JAKMIP3: variants seen among roughly 807,000 people sequenced by gnomAD.
JAKMIP3 encodes Janus kinase and microtubule interacting protein 3.
In JAKMIP3, 58 loss-of-function variants were observed where a neutral mutation model predicts 118.5. The observed-to-expected ratio is 0.49, with a 90% CI of 0.40 to 0.61. JAKMIP3 has a LOEUF of 0.61. Among genes scored for constraint, JAKMIP3 ranks in the 20% least tolerant of loss-of-function variants. The pLI is 0.00. For missense variants in JAKMIP3, 950 were observed against 1,109.0 expected, an observed-to-expected ratio of 0.86 and a Z score of 2.04; for synonymous variants, 486 against 451.2, an observed-to-expected ratio of 1.08 and a Z score of -0.98.
chr10:132,172,980 CCTCTCT>C (rs527507375), intron 23 of JAKMIP3, among the ~76,000 whole-genome samples: 26 of 75,216 alleles, frequency 3.5e-4, no homozygotes, highest in African/African-American at 1.2e-3. Flanking sequence ...TCTCTCCTTC[CCTCTCT>C]CTCTCTCTCC....
At position 132,167,063 on chromosome 10, in the gene JAKMIP3, T is replaced by TCCCGCTCTGC; in HGVS notation, c.*22+8_*22+9insCCCGCTCTGC. The TCCCGCTCTGC allele has an allele frequency of 6.5e-7, 1 of 1,542,312 alleles. No homozygotes were observed. The highest frequency in any genetic ancestry group is 8.8e-7 in the Non-Finnish European group (1 of 1,138,660). On this transcript the variant is annotated intron_variant, in intron 22 of 23. Transcript: ENST00000684848. The stretch of plus-strand genomic sequence containing the variant: ...TCTTGGCACCCTGACGTGGTGAGTA[T>TCCCGCTCTGC]TTCGTTGGCAGGGCCCAGCAGGGGT...
upstream of JAKMIP3, among the ~76,000 whole-genome samples, chr10:132,061,537 T>TA (rs1183256492): frequency 1.3e-5 from 2 of 152,176 alleles, no homozygotes; most frequent in Admixed American, 6.5e-5. Context: ...CAAGTTGATA[T>TA]AAAAAGGCCA....
intron 19 of JAKMIP3, among the ~76,000 whole-genome samples, chr10:132,161,030 C>CGGT (rs2058161078): frequency 9.8e-5 from 1 of 10,192 alleles, no homozygotes; most frequent in African/African-American, 4.4e-4. Flanking sequence ...GCTGGGGGGG[C>CGGT]CTCTTCCTGT....
At chr10:132,169,222 C>T (rs1389234559) in intron 23 of JAKMIP3, among the ~76,000 whole-genome samples, 189 bp downstream of exon 23, 2 of 152,156 alleles carry the variant, frequency 1.3e-5, no homozygotes, top group East Asian at 1.9e-4. Context: ...TGGAGCGTGG[C>T]GTGAGCTGTC....
chr10:132,137,426 C>T (rs2052029902), intron 8 of JAKMIP3, 137 bp downstream of exon 8: 1 of 1,071,886 alleles, frequency 9.3e-7, no homozygotes, highest in Middle Eastern at 2.8e-4. Flanking sequence ...TTTGTTGTTG[C>T]AGTGCCACCT....
In JAKMIP3 at chr10:132,066,018, G is replaced by A. The variant is rs116589011; in HGVS notation, c.-181G>A. Among the ~76,000 whole-genome samples, 2,623 of 152,324 alleles carry A rather than the reference G, an allele frequency of 0.017. 57 individuals are homozygous for A. Among genetic ancestry groups the A allele is most frequent in the South Asian group, 0.12 (574 of 4,822 alleles). On this transcript the variant is annotated 5_prime_UTR_variant, in exon 1 of 24. Coordinates refer to ENST00000684848, the MANE Select transcript of JAKMIP3 (RefSeq NM_001323087.2). ...CGAGCCGGGAAAGATTCTCACAGTC[G>A]AGCAGAGCGATGGGAGAGAGGAGCA...
intron 2 of JAKMIP3, among the ~76,000 whole-genome samples, chr10:132,108,700 AGT>A (rs1053229514): frequency 6.6e-6 from 1 of 151,860 alleles, no homozygotes; most frequent in Non-Finnish European, 1.5e-5. Context: ...TTCCCAGCCA[AGT>A]GTCATTTAAA....
chr10:132,117,910 C>T lies in JAKMIP3; in HGVS notation c.633+336C>T, dbSNP rs1042116550. Among the ~76,000 whole-genome samples the T allele has an allele frequency of 6.6e-6, 1 of 152,166 alleles. No individual in the cohort carries two copies. The highest frequency in any genetic ancestry group is 2.4e-5 in the African/African-American group (1 of 41,428). Reference sequence around the variant, plus strand: ...AAGAAACCTAGAAATCGGCACTGCCCATCCACACCGCAGGGTTCACGGACA... The same window carrying T: ...AAGAAACCTAGAAATCGGCACTGCCTATCCACACCGCAGGGTTCACGGACA... On this transcript the variant is annotated intron_variant, in intron 3 of 23. Coordinates refer to ENST00000684848, the MANE Select transcript of JAKMIP3 (RefSeq NM_001323087.2). This position sits in a 1 kb window ranked among gnomAD's most constrained non-coding sequence, Gnocchi z 8.6.
intron 23 of JAKMIP3, among the ~76,000 whole-genome samples, chr10:132,170,577 G>A (rs963838320): frequency 5.3e-5 from 8 of 152,158 alleles, no homozygotes; most frequent in South Asian, 2.1e-4. Flanking sequence ...ATCCATGGAC[G>A]GCATCCCTGG....
intron 16 of JAKMIP3, among the ~76,000 whole-genome samples, chr10:132,151,202 C>T (rs550719080): frequency 6.6e-6 from 1 of 152,146 alleles, no homozygotes; most frequent in South Asian, 2.1e-4. Flanking sequence ...ATCTATGCAT[C>T]CTCCATCATT....
intron 23 of JAKMIP3, among the ~76,000 whole-genome samples, chr10:132,178,976 G>T (rs1268662323): frequency 1.3e-5 from 2 of 152,210 alleles, no homozygotes; most frequent in Non-Finnish European, 2.9e-5. Context: ...ATTGATGAGG[G>T]TTCTGCCCTG....
chr10:132,161,045 T>C (rs865994790), intron 19 of JAKMIP3, among the ~76,000 whole-genome samples: 41 of 24,130 alleles, frequency 1.7e-3, no homozygotes, highest in Non-Finnish European at 2.7e-3. Flanking sequence ...TCCTGTGTGA[T>C]GCTGGGGGCG....
At chr10:132,080,503 ATTTT>A (rs201838731) in intron 1 of JAKMIP3, among the ~76,000 whole-genome samples, 221 of 61,402 alleles carry the variant, frequency 3.6e-3, no homozygotes, top group East Asian at 8.0e-3. Context: ...AAGTTATAGG[ATTTT>A]TTTTTTTTTT....
At chr10:132,130,485 G>A (rs2050360189) in intron 3 of JAKMIP3, among the ~76,000 whole-genome samples, 2 of 152,244 alleles carry the variant, frequency 1.3e-5, no homozygotes, top group African/African-American at 4.8e-5. Flanking sequence ...CCCCCCTGAG[G>A]TGCAGACTCC....
intron 3 of JAKMIP3, among the ~76,000 whole-genome samples, chr10:132,122,886 T>G (rs1445629218): frequency 1.3e-5 from 2 of 152,162 alleles, no homozygotes; most frequent in Non-Finnish European, 2.9e-5. Flanking sequence ...TGCTTTGCCC[T>G]GTACGTGTCA....
Position 132,113,939 on chromosome 10 carries a change from C to T in JAKMIP3, c.136-3138C>T, listed in dbSNP as rs532940612. Among the ~76,000 whole-genome samples, 102 of 152,352 alleles carry T rather than the reference C, an allele frequency of 6.7e-4. 1 individual carries two copies. The highest frequency in any genetic ancestry group is 2.4e-3 in the African/African-American group (100 of 41,576). On this transcript the variant is annotated intron_variant, in intron 2 of 23. Transcript: ENST00000684848. Reference sequence around the variant, plus strand: ...TTACTGTCCCGTCCTTCGCCTCTCCCGGGAGGATGCCTGTGCCGTGCGACT... The same window carrying T: ...TTACTGTCCCGTCCTTCGCCTCTCCTGGGAGGATGCCTGTGCCGTGCGACT...
intron 1 of JAKMIP3, among the ~76,000 whole-genome samples, chr10:132,100,504 T>G (rs957211642): frequency 2.0e-5 from 3 of 152,080 alleles, no homozygotes; most frequent in Non-Finnish European, 4.4e-5. Context: ...CACACACCCT[T>G]GAGACTGGAT....
chr10:132,091,557 G>A (rs2043091527), intron 1 of JAKMIP3, among the ~76,000 whole-genome samples: 1 of 152,026 alleles, frequency 6.6e-6, no homozygotes, highest in Non-Finnish European at 1.5e-5. Context: ...GATCTTTGTT[G>A]GTTTAAAGTC....
At chr10:132,150,141 C>T in intron 16 of JAKMIP3, 100 bp downstream of exon 16, 2 of 883,942 alleles carry the variant, frequency 2.3e-6, no homozygotes, top group South Asian at 3.1e-5. Context: ...CACAGCCCTG[C>T]CATGGGCCAC....
Sources: allele counts gnomAD v4.1 joint callset (sites outside exome capture counted in the v4.1 genomes callset), GRCh38; gene constraint gnomAD v4.1.1; non-coding constraint Gnocchi (gnomAD v3.1); transcripts MANE v1.5; gene names NCBI Gene and HGNC (gene_info 2026-07-23, HGNC 2026-07-21).